Variants in KCNH7 observed in about 807,000 individuals in gnomAD.
KCNH7 encodes potassium voltage-gated channel subfamily H member 7, also known as voltage-gated inwardly rectifying potassium channel KCNH7.
In KCNH7, 49 loss-of-function variants were observed where a neutral mutation model predicts 120.8. The ratio of observed to expected loss-of-function variants is 0.41; its 90% CI spans 0.32 to 0.51. The LOEUF is 0.51. Among genes scored for constraint, KCNH7 ranks in the 20% least tolerant of loss-of-function variants. The probability of loss-of-function intolerance (pLI) is 0.38; values close to 1 mark genes in which losing one functional copy is unlikely to be tolerated. For synonymous variants in KCNH7, 547 were observed against 516.1 expected, an observed-to-expected ratio of 1.06 and a Z score of -0.81; for missense variants, 1,097 against 1,446.6, an observed-to-expected ratio of 0.76 and a Z score of 3.92.
At position 162,833,117 on chromosome 2, in the gene KCNH7, G is replaced by T. The variant is rs199529681; in HGVS notation, c.307+3420C>A. 2.0e-5 allele frequency among the ~76,000 whole-genome samples: 3 copies of T among 152,020 alleles called. No homozygotes were observed. The East Asian group carries it at 5.8e-4, about 29-fold the overall frequency. On this transcript the variant is annotated intron_variant, in intron 2 of 15. Transcript: ENST00000332142. ...AGTAAAGACGTTTATTTTTCCTGGAGAAATTTACTTTGTTTTTTCAAATGT... is the reference window on the plus strand; with the variant it reads ...AGTAAAGACGTTTATTTTTCCTGGATAAATTTACTTTGTTTTTTCAAATGT...
At chr2:162,554,397 CA>C (rs937720694) in intron 2 of KCNH7, among the ~76,000 whole-genome samples, 2 of 151,754 alleles carry the variant, frequency 1.3e-5, no homozygotes, top group Non-Finnish European at 2.9e-5. Context: ...AAATTTGCCC[CA>C]AAAAATGTTG....
chr2:162,511,840 A>G (rs1384106962), intron 5 of KCNH7, among the ~76,000 whole-genome samples: 1 of 151,768 alleles, frequency 6.6e-6, no homozygotes, highest in Admixed American at 6.6e-5. Context: ...CATGCAACAC[A>G]CATGCACAAA....
At chr2:162,642,774 G>GC (rs1684211445) in intron 2 of KCNH7, among the ~76,000 whole-genome samples, 1 of 152,194 alleles carries the variant, frequency 6.6e-6, no homozygotes, top group African/African-American at 2.4e-5. Flanking sequence ...ACATCATCAT[G>GC]CAGCTGTGTT....
chr2:162,770,006 C>T (rs1682983826), intron 2 of KCNH7, among the ~76,000 whole-genome samples: 1 of 152,004 alleles, frequency 6.6e-6, no homozygotes, highest in African/African-American at 2.4e-5. Context: ...TAAATTAATT[C>T]ACCATTTGTC....
At chr2:162,479,999 A>AT (rs1309755583) in intron 6 of KCNH7, among the ~76,000 whole-genome samples, 2 of 152,142 alleles carry the variant, frequency 1.3e-5, no homozygotes, top group African/African-American at 4.8e-5. Flanking sequence ...ATGAAGCATG[A>AT]TTTTGTCAAG....
At chr2:162,625,711 G>T (rs956246491) in intron 2 of KCNH7, among the ~76,000 whole-genome samples, 1 of 152,118 alleles carries the variant, frequency 6.6e-6, no homozygotes, top group African/African-American at 2.4e-5. Flanking sequence ...AGGATAATGG[G>T]TAGAAAGAGC....
chr2:162,814,694 T>C (rs1684856733), intron 2 of KCNH7, among the ~76,000 whole-genome samples: 1 of 152,146 alleles, frequency 6.6e-6, no homozygotes, highest in South Asian at 2.1e-4. Flanking sequence ...AAGGAATAAA[T>C]ATTCTTCACA....
intron 2 of KCNH7, among the ~76,000 whole-genome samples, chr2:162,543,564 T>G (rs2105841731): frequency 6.6e-6 from 1 of 152,268 alleles, no homozygotes; most frequent in Middle Eastern, 3.4e-3. Context: ...TATTTTCAAT[T>G]ACTTCTTATT....
At chr2:162,799,904 G>A (rs1684281006) in intron 2 of KCNH7, among the ~76,000 whole-genome samples, 1 of 151,426 alleles carries the variant, frequency 6.6e-6, no homozygotes, top group African/African-American at 2.4e-5. Context: ...TTATGGAAGT[G>A]TAAGAAAGGG....
chr2:162,388,417 C>G (rs1210011018), intron 12 of KCNH7, among the ~76,000 whole-genome samples: 7 of 151,474 alleles, frequency 4.6e-5, no homozygotes, highest in African/African-American at 7.3e-5. Flanking sequence ...GTTAAATTAG[C>G]TTGAATATTG....
At chr2:162,374,049 G>C (rs921497014) in intron 14 of KCNH7, among the ~76,000 whole-genome samples, 2 of 152,092 alleles carry the variant, frequency 1.3e-5, no homozygotes, top group African/African-American at 2.4e-5. Flanking sequence ...TTAAAAAATA[G>C]ATTGGTAGCA....
At chr2:162,650,083 T>C (rs1421741943) in intron 2 of KCNH7, among the ~76,000 whole-genome samples, 2 of 152,164 alleles carry the variant, frequency 1.3e-5, no homozygotes, top group South Asian at 2.1e-4. Flanking sequence ...ATTGCTATTA[T>C]AGATCTTTAG....
intron 9 of KCNH7, among the ~76,000 whole-genome samples, chr2:162,413,931 G>T (rs10169608): frequency 0.14 from 20,579 of 151,460 alleles, 3,676 homozygotes; most frequent in African/African-American, 0.4. Flanking sequence ...AAAAAATAAT[G>T]GAAAATATGC....
chr2:162,795,960 C>T (rs1450138855), intron 2 of KCNH7: 1 of 152,016 alleles, frequency 6.6e-6, no homozygotes, highest in Non-Finnish European at 1.5e-5. Context: ...AAGAAGACCA[C>T]AGTATAAGAT....
chr2:162,471,247 TAAAA>T (rs79162616), intron 6 of KCNH7, among the ~76,000 whole-genome samples: 3 of 132,118 alleles, frequency 2.3e-5, no homozygotes, highest in Non-Finnish European at 5.0e-5. Context: ...ATCAATAAAT[TAAAA>T]AAAAAAAAAA....
At chr2:162,590,868 T>A (rs1371416496) in intron 2 of KCNH7, among the ~76,000 whole-genome samples, 1 of 152,138 alleles carries the variant, frequency 6.6e-6, no homozygotes, top group Non-Finnish European at 1.5e-5. Context: ...GAGCATGTCA[T>A]TAATGTCCTC....
At chr2:162,458,777 G>T (rs1689056023) in intron 6 of KCNH7, among the ~76,000 whole-genome samples, 1 of 152,022 alleles carries the variant, frequency 6.6e-6, no homozygotes, top group African/African-American at 2.4e-5. Context: ...GCCAACAGGA[G>T]GACGTCTTCG....
intron 2 of KCNH7, among the ~76,000 whole-genome samples, chr2:162,821,046 G>A (rs1318941614): frequency 6.6e-6 from 1 of 152,050 alleles, no homozygotes; most frequent in Non-Finnish European, 1.5e-5. Context: ...CACAATACAA[G>A]GCTAATTTTA....
chr2:162,688,991 T>C (rs1472055989), intron 2 of KCNH7, among the ~76,000 whole-genome samples: 1 of 151,964 alleles, frequency 6.6e-6, no homozygotes, highest in African/African-American at 2.4e-5. Context: ...CTTGACAGAG[T>C]TGTAAATCTA....
Sources: gnomAD v4.1 joint callset for allele counts (sites outside exome capture counted in the v4.1 genomes callset) on GRCh38, gnomAD v4.1.1 for gene constraint, MANE v1.5 for transcripts, NCBI Gene and HGNC (gene_info 2026-07-23, HGNC 2026-07-21) for gene names.